Variants in GTF2IRD1 observed in about 807,000 individuals in gnomAD.
The protein encoded by GTF2IRD1 is general transcription factor II-I repeat domain-containing protein 1.
GTF2IRD1 carries 26 observed loss-of-function variants against 113.2 expected under a neutral mutation model. That is an observed-to-expected ratio of 0.23 (90% confidence interval 0.17 to 0.32). The LOEUF (loss-of-function observed/expected upper bound fraction) is 0.32, where lower values mean the gene tolerates loss of function less well. Among genes scored for constraint, GTF2IRD1 ranks in the 10% least tolerant of loss-of-function variants. The pLI, the probability that GTF2IRD1 is intolerant of heterozygous loss-of-function variation, is 1.00. For synonymous variants in GTF2IRD1, 484 were observed against 529.1 expected, an observed-to-expected ratio of 0.91 and a Z score of 1.17; for missense variants, 864 against 1,280.8, an observed-to-expected ratio of 0.67 and a Z score of 4.97.
At chr7:74,513,493 C>T (rs1421656003) in intron 3 of GTF2IRD1, among the ~76,000 whole-genome samples, 5 of 152,144 alleles carry the variant, frequency 3.3e-5, no homozygotes, top group East Asian at 3.9e-4. Context: ...TTAGTAGAGA[C>T]GGGGTTTCAC....
rs2130112484 is a variant in GTF2IRD1 at position 74,512,362 on chromosome 7, AC to A, written c.124-467del. On this transcript the variant is annotated intron_variant, in intron 2 of 26. Transcript: ENST00000424337. This position sits in a 1 kb window ranked among gnomAD's most constrained non-coding sequence, Gnocchi z 4.4. ...GTGAGACTGTGTCTCAAAAAACAAA[AC>A]AAAACAGATGTGGAAACTGGAGCCC... is the stretch of plus-strand genomic sequence containing the variant. 6.6e-6 allele frequency among the ~76,000 whole-genome samples: 1 copy of A among 152,268 alleles called. No individual in the cohort carries two copies. Among genetic ancestry groups the A allele is most frequent in the Non-Finnish European group, 1.5e-5 (1 of 68,024 alleles).
At chr7:74,543,001 AC>A (rs1480933357) in intron 14 of GTF2IRD1, among the ~76,000 whole-genome samples, 2 of 152,196 alleles carry the variant, frequency 1.3e-5, no homozygotes. Flanking sequence ...CCCCAGTCAA[AC>A]CTGATGAATT....
chr7:74,600,275 C>G (rs1257423473), intron 25 of GTF2IRD1, among the ~76,000 whole-genome samples: 1 of 152,034 alleles, frequency 6.6e-6, no homozygotes, highest in Non-Finnish European at 1.5e-5. Flanking sequence ...AAAAGTTAGC[C>G]AGGCATGGTG....
At chr7:74,496,483 G>A (rs1039663324) in intron 1 of GTF2IRD1, among the ~76,000 whole-genome samples, 11 of 130,546 alleles carry the variant, frequency 8.4e-5, no homozygotes, top group Non-Finnish European at 1.8e-4. Flanking sequence ...GGGTGTGCAC[G>A]TATGTGTGTG....
intron 22 of GTF2IRD1, among the ~76,000 whole-genome samples, chr7:74,586,306 C>T (rs111276371): frequency 2.6e-4 from 39 of 152,266 alleles, no homozygotes; most frequent in African/African-American, 8.9e-4. Context: ...CTTCCCACAT[C>T]CTAGTCCTGA....
At chr7:74,496,281 C>T (rs547226124) in intron 1 of GTF2IRD1, among the ~76,000 whole-genome samples, 4 of 109,134 alleles carry the variant, frequency 3.7e-5, no homozygotes, top group African/African-American at 1.1e-4. Context: ...AGTGGGTATG[C>T]GTGTGTATGT....
chr7:74,561,346 C>CAAA (rs11452589), intron 22 of GTF2IRD1, among the ~76,000 whole-genome samples: 6 of 77,720 alleles, frequency 7.7e-5, no homozygotes, highest in South Asian at 4.8e-4. Flanking sequence ...TAGATTGTCT[C>CAAA]AAAAAAAAAA....
In GTF2IRD1 at chr7:74,559,661, AGGCACTGGCTGTGGAGGG is replaced by A; in HGVS notation, c.2320+15_2320+32del. ...AGGACTCATCCCAAAGCCTGGTAAG[AGGCACTGGCTGTGGAGGG>A]GGCACTGGGAATAGGGCCCGATCGT... On this transcript the variant is annotated splice_region_variant and intron_variant, in intron 22 of 26. Transcript: ENST00000424337. The A allele has an allele frequency of 6.3e-7, 1 of 1,594,390 alleles. No homozygotes were observed. Among genetic ancestry groups the A allele is most frequent in the East Asian group, 2.3e-5 (1 of 44,314 alleles).
At chr7:74,508,033 C>T (rs782720433) in intron 1 of GTF2IRD1, 42 bp from the exon 2 acceptor site, 2 of 1,578,080 alleles carry the variant, frequency 1.3e-6, no homozygotes, top group Non-Finnish European at 1.7e-6. Context: ...AGACAAGCCC[C>T]CTGCCTTGTG....
At position 74,485,933 on chromosome 7, in the gene GTF2IRD1, AAAG is replaced by A. The variant is rs559240815; in HGVS notation, c.-6-22133_-6-22131del. ...AGAGTGAGACCCTGTCTTTAAAAAA[AAAG>A]AAGAAGAAAGAAAAGAAAATGCCTC... On this transcript the variant is annotated intron_variant, in intron 1 of 26. Transcript: ENST00000424337. 3.2e-3 allele frequency among the ~76,000 whole-genome samples: 485 copies of A among 152,144 alleles called. 1 individual carries two copies. Among genetic ancestry groups the A allele is most frequent in the African/African-American group, 0.011 (439 of 41,516 alleles).
In GTF2IRD1 at chr7:74,515,462, C is replaced by T. The variant is rs587756708; in HGVS notation, c.287C>T (p.Pro96Leu). 42 of 1,599,396 alleles carry T rather than the reference C, an allele frequency of 2.6e-5. 1 individual carries two copies. Among genetic ancestry groups the T allele is most frequent in the South Asian group, 2.3e-4 (21 of 89,406 alleles). Residue 96 changes from proline to leucine, a missense_variant, in exon 4 of 27, where the codon CCG becomes CTG. Physicochemically the swap from Pro to Leu is moderately conservative, Grantham distance 98. Coordinates refer to ENST00000424337, the MANE Select transcript of GTF2IRD1 (RefSeq NM_005685.4). ...RFCRGPPWKD[P>L]EAEHPKKVQR... The stretch of plus-strand genomic sequence containing the variant: ...ACAGGAGGGCCCCCGTGGAAGGATC[C>T]GGAGGCAGAGCACCCCAAGAAGGTG...
intron 10 of GTF2IRD1, 99 bp from the exon 11 acceptor site, chr7:74,536,068 G>C (rs73135382): frequency 0.028 from 21,175 of 766,246 alleles, 481 homozygotes; most frequent in East Asian, 0.065. Flanking sequence ...CCCTATCCCC[G>C]GGATTCCCCC....
At chr7:74,508,274 T>A in intron 2 of GTF2IRD1, 71 bp downstream of exon 2, 1 of 1,507,246 alleles carries the variant, frequency 6.6e-7, no homozygotes, top group Non-Finnish European at 9.0e-7. Context: ...GCTCAAGTCC[T>A]ACCTCAGCTA....
intron 22 of GTF2IRD1, among the ~76,000 whole-genome samples, chr7:74,574,914 C>G (rs1800934963): frequency 6.6e-6 from 1 of 151,964 alleles, no homozygotes; most frequent in South Asian, 2.1e-4. Flanking sequence ...CATGGTGAAA[C>G]TCCGTTTCTA....
At chr7:74,576,651 A>G (rs1329449884) in intron 22 of GTF2IRD1, among the ~76,000 whole-genome samples, 1 of 47,250 alleles carries the variant, frequency 2.1e-5, no homozygotes, top group Non-Finnish European at 3.6e-5. Flanking sequence ...TTTTTTTTTG[A>G]GACAGAGTCT....
At chr7:74,485,934 A>C (rs1794996985) in intron 1 of GTF2IRD1, among the ~76,000 whole-genome samples, 1 of 150,988 alleles carries the variant, frequency 6.6e-6, no homozygotes, top group African/African-American at 2.5e-5. Context: ...TTTAAAAAAA[A>C]AGAAGAAGAA....
At chr7:74,572,665 T>C (rs1033532078) in intron 22 of GTF2IRD1, 4 of 415,230 alleles carry the variant, frequency 9.6e-6, no homozygotes, top group African/African-American at 6.5e-5. Flanking sequence ...TGCCTCCCTC[T>C]CTCAGCCTTC....
intron 25 of GTF2IRD1, among the ~76,000 whole-genome samples, chr7:74,599,217 T>C (rs1459149981): frequency 6.6e-6 from 1 of 152,128 alleles, no homozygotes; most frequent in Non-Finnish European, 1.5e-5. Context: ...GAGGTTGCAG[T>C]GAGCCAAGAC....
chr7:74,468,856 A>C (rs1188257615), intron 1 of GTF2IRD1, among the ~76,000 whole-genome samples: 1 of 151,956 alleles, frequency 6.6e-6, no homozygotes, highest in Non-Finnish European at 1.5e-5. Context: ...AGGCCAAGGC[A>C]GGCAGATCAT....
Sources: gnomAD v4.1 joint callset for allele counts (sites outside exome capture counted in the v4.1 genomes callset) on GRCh38, gnomAD v4.1.1 for gene constraint, Gnocchi (gnomAD v3.1) non-coding constraint, MANE v1.5 for transcripts, NCBI Gene and HGNC (gene_info 2026-07-23, HGNC 2026-07-21) for gene names.